PLXNA4: variants seen among roughly 807,000 people sequenced by gnomAD.
The protein encoded by PLXNA4 is plexin-A4.
Under a neutral mutation model 191.8 loss-of-function variants are expected in PLXNA4, and 44 were observed. That is an observed-to-expected ratio of 0.23 (90% CI 0.18 to 0.29). The LOEUF is 0.29. PLXNA4 is among the 10% of genes least tolerant of loss of function. The probability of loss-of-function intolerance (pLI) is 1.00; values close to 1 mark genes in which losing one functional copy is unlikely to be tolerated. For missense variants in PLXNA4, 1,800 were observed against 2,488.8 expected (o/e 0.72, Z 5.89); for synonymous variants, 1,082 against 1,009.5 (o/e 1.07, Z -1.36).
chr7:132,503,092 C>A (rs934101253), intron 2 of PLXNA4, among the ~76,000 whole-genome samples: 4 of 152,200 alleles, frequency 2.6e-5, no homozygotes, highest in Admixed American at 2.0e-4. Context: ...ACTCCCATAC[C>A]CATGGCTCAA....
In PLXNA4 at chr7:132,202,934, TG is replaced by T; in HGVS notation, c.2396-99del. On this transcript the variant is annotated intron_variant, in intron 11 of 31. Coordinates refer to ENST00000321063, the MANE Select transcript of PLXNA4 (RefSeq NM_020911.2). ...CAAAGAGTGCAGTGCCAGCCTGGGG[TG>T]ATGGGGCACAAAGGCAGTTTTGCCC... 5 of 1,279,318 alleles carry T rather than the reference TG, an allele frequency of 3.9e-6. No homozygotes were observed. In the South Asian group the frequency reaches 5.1e-5, roughly 13 times the overall value. The allele number at this position is 1,279,318 out of a possible 1,614,324, so 79.2% of individuals were successfully genotyped here.
At chr7:132,443,330 T>G (rs1481465549) in intron 3 of PLXNA4, among the ~76,000 whole-genome samples, 1 of 152,224 alleles carries the variant, frequency 6.6e-6, no homozygotes, top group Non-Finnish European at 1.5e-5. Context: ...GTTCTCCATC[T>G]GGTTCCAAAA....
chr7:132,390,447 TA>T (rs1255828159), intron 3 of PLXNA4, among the ~76,000 whole-genome samples: 4 of 151,942 alleles, frequency 2.6e-5, no homozygotes, highest in African/African-American at 9.7e-5. Flanking sequence ...GGGATAGCGT[TA>T]GGGGAAAACC....
At chr7:132,191,344 T>C (rs919099789) in intron 14 of PLXNA4, among the ~76,000 whole-genome samples, 1 of 152,132 alleles carries the variant, frequency 6.6e-6, no homozygotes, top group African/African-American at 2.4e-5. Flanking sequence ...AACAGGATTG[T>C]AGGCCTAGGG....
intron 3 of PLXNA4, among the ~76,000 whole-genome samples, chr7:132,461,204 A>G (rs156945): frequency 0.99 from 151,370 of 152,294 alleles, 75,233 homozygotes; most frequent in Middle Eastern, 1. Flanking sequence ...GCTTCCCTAA[A>G]TAGAAACAAT....
intron 1 of PLXNA4, among the ~76,000 whole-genome samples, chr7:132,521,933 T>G (rs976912049): frequency 6.6e-5 from 10 of 152,114 alleles, no homozygotes; most frequent in Non-Finnish European, 1.5e-4. Context: ...AAGGAGCATG[T>G]TGGTAGAGGG....
At chr7:132,394,895 C>T (rs1367881167) in intron 3 of PLXNA4, among the ~76,000 whole-genome samples, 3 of 152,244 alleles carry the variant, frequency 2.0e-5, no homozygotes, top group African/African-American at 7.2e-5. Flanking sequence ...CTGAGGCCAT[C>T]TGTGGCTCTG....
At chr7:132,524,427 T>C (rs1585272487) in intron 1 of PLXNA4, among the ~76,000 whole-genome samples, 1 of 152,182 alleles carries the variant, frequency 6.6e-6, no homozygotes, top group South Asian at 2.1e-4. Context: ...GGAAACAGCA[T>C]TGATCATATA....
chr7:132,197,860 T>C (rs1452534193), intron 13 of PLXNA4, among the ~76,000 whole-genome samples: 2 of 152,204 alleles, frequency 1.3e-5, no homozygotes, highest in Admixed American at 1.3e-4. Flanking sequence ...AAAGATGGTA[T>C]GGAATATAGA....
intron 2 of PLXNA4, among the ~76,000 whole-genome samples, chr7:132,620,550 C>T (rs1036500252): frequency 8.5e-5 from 13 of 152,228 alleles, no homozygotes; most frequent in Admixed American, 7.2e-4. Flanking sequence ...AAGCCCAGTC[C>T]TCTCTCCCAA....
chr7:132,388,116 G>GA (rs1805236351), intron 3 of PLXNA4, among the ~76,000 whole-genome samples: 1 of 152,078 alleles, frequency 6.6e-6, no homozygotes, highest in African/African-American at 2.4e-5. Flanking sequence ...CAGCTGAAAG[G>GA]AAATCACAAG....
chr7:132,241,928 G>A (rs1798892235), intron 4 of PLXNA4, among the ~76,000 whole-genome samples: 1 of 152,074 alleles, frequency 6.6e-6, no homozygotes, highest in Non-Finnish European at 1.5e-5. Flanking sequence ...TGACATTTTT[G>A]CTTAGCCCAA....
chr7:132,632,071 A>G (rs1397728202), intron 2 of PLXNA4, among the ~76,000 whole-genome samples: 1 of 152,074 alleles, frequency 6.6e-6, no homozygotes, highest in African/African-American at 2.4e-5. Context: ...CCCCGTCTCT[A>G]CTAAAAATAC....
intron 4 of PLXNA4, among the ~76,000 whole-genome samples, chr7:132,253,863 G>A (rs1799340187): frequency 6.6e-6 from 1 of 152,174 alleles, no homozygotes; most frequent in Non-Finnish European, 1.5e-5. Context: ...GGGCACCTCT[G>A]CCTACAGCCC....
At chr7:132,474,400 C>T (rs1797047367) in intron 3 of PLXNA4, among the ~76,000 whole-genome samples, 1 of 152,160 alleles carries the variant, frequency 6.6e-6, no homozygotes, top group African/African-American at 2.4e-5. Context: ...ATCAAAGCCC[C>T]TGTTTCCAGC....
chr7:132,212,113 C>A (rs1028553280), intron 9 of PLXNA4, among the ~76,000 whole-genome samples: 1 of 152,082 alleles, frequency 6.6e-6, no homozygotes, highest in South Asian at 2.1e-4. Context: ...TCCCACCATC[C>A]CCCAGATTCC....
intron 4 of PLXNA4, among the ~76,000 whole-genome samples, chr7:132,248,538 A>T (rs187777278): frequency 1.5e-3 from 231 of 152,284 alleles, no homozygotes; most frequent in African/African-American, 4.1e-3. Flanking sequence ...GCAGTGTGGT[A>T]GCTTCTTACC....
At chr7:132,451,450 T>C (rs156939) in intron 3 of PLXNA4, among the ~76,000 whole-genome samples, 148,882 of 152,186 alleles carry the variant, frequency 0.98, 72,905 homozygotes, top group Middle Eastern at 1. Flanking sequence ...TGAGGAAGCA[T>C]GTCCACAAGG....
In PLXNA4 at chr7:132,168,657, A is replaced by G. The variant is rs567913724; in HGVS notation, c.4018-85T>C. The G allele has an allele frequency of 1.4e-5, 21 of 1,471,536 alleles. No individual in the cohort carries two copies. In the East Asian group the frequency reaches 4.3e-4, roughly 30 times the overall value. The allele number at this position is 1,471,536 out of a possible 1,614,324, so 91.2% of individuals were successfully genotyped here. ...CCACGGGATGGCTGTGCCCATATCCATGACCCTCTCATCCACCAATTAAGC... is the reference window on the plus strand; with the variant it reads ...CCACGGGATGGCTGTGCCCATATCCGTGACCCTCTCATCCACCAATTAAGC... On this transcript the variant is annotated intron_variant, in intron 21 of 31. Transcript: ENST00000321063.
Sources: allele counts gnomAD v4.1 joint callset (sites outside exome capture counted in the v4.1 genomes callset), GRCh38; gene constraint gnomAD v4.1.1; transcripts MANE v1.5; gene names NCBI Gene and HGNC (gene_info 2026-07-23, HGNC 2026-07-21).